SGCZ: variants seen among roughly 807,000 people sequenced by gnomAD.
SGCZ encodes zeta-sarcoglycan.
A neutral mutation model predicts 41.3 loss-of-function variants in SGCZ; 40 were observed. The ratio of observed to expected loss-of-function variants is 0.97; its 90% CI spans 0.75 to 1.26. SGCZ has a LOEUF of 1.26. Ranked by LOEUF, SGCZ falls within the 50% of genes most tolerant of loss-of-function variation. The pLI is 0.00. For synonymous variants in SGCZ, 206 were observed against 137.5 expected (o/e 1.50, Z -3.49); for missense variants, 552 against 369.8 (o/e 1.49, Z -4.04).
chr8:14,893,591 C>T (rs569446265), intron 1 of SGCZ, among the ~76,000 whole-genome samples: 18 of 152,226 alleles, frequency 1.2e-4, no homozygotes, highest in Admixed American at 6.5e-4. Flanking sequence ...ATGCTCTGAT[C>T]GCCATAATTT....
chr8:14,379,722 A>G (rs1435045584), intron 2 of SGCZ, among the ~76,000 whole-genome samples: 1 of 151,990 alleles, frequency 6.6e-6, no homozygotes, highest in Non-Finnish European at 1.5e-5. Flanking sequence ...AATATATTGA[A>G]ATTATATATA....
rs925782478 is a variant in SGCZ at position 15,238,429 on chromosome 8, A to C, written c.-806T>G. The C allele has an allele frequency of 6.6e-6, 1 of 152,204 alleles. No individual in the cohort carries two copies. Among genetic ancestry groups the C allele is most frequent in the Non-Finnish European group, 1.5e-5 (1 of 68,054 alleles). 9.4% of individuals were successfully genotyped at this position (152,204 alleles called of 1,614,324 possible). ...TCGCTTCTCTCTTCCCACAGCCAAC[A>C]CTAAGGGGATTTCTCTCATCTGTCA... On this transcript the variant is annotated 5_prime_UTR_variant, in exon 1 of 8. Transcript: ENST00000382080.
intron 3 of SGCZ, among the ~76,000 whole-genome samples, chr8:14,278,785 C>G (rs971589989): frequency 2.6e-5 from 4 of 152,020 alleles, no homozygotes; most frequent in African/African-American, 9.7e-5. Flanking sequence ...TAAAAAGAGG[C>G]TGGTATTCTT....
intron 1 of SGCZ, among the ~76,000 whole-genome samples, chr8:15,145,950 GCAAA>G (rs1317106871): frequency 6.6e-6 from 1 of 152,100 alleles, no homozygotes; most frequent in African/African-American, 2.4e-5. Context: ...CTCCAAAAAG[GCAAA>G]GAGAATGGGT....
At chr8:15,229,046 G>T (rs550142729) in intron 1 of SGCZ, among the ~76,000 whole-genome samples, 2 of 152,112 alleles carry the variant, frequency 1.3e-5, no homozygotes, top group Admixed American at 6.5e-5. Context: ...ACAAAAATCA[G>T]CCAGGCGTGA....
At chr8:14,346,136 T>C (rs1300009907) in intron 2 of SGCZ, among the ~76,000 whole-genome samples, 1 of 152,104 alleles carries the variant, frequency 6.6e-6, no homozygotes, top group Non-Finnish European at 1.5e-5. Context: ...TATTGACTCA[T>C]CAGTTGTAAC....
chr8:14,827,573 G>A (rs73535011), intron 1 of SGCZ, among the ~76,000 whole-genome samples: 179 of 152,182 alleles, frequency 1.2e-3, no homozygotes, highest in African/African-American at 4.2e-3. Context: ...GTCAATGTGG[G>A]AAGGAACTGC....
chr8:14,957,337 G>A (rs1800823536), intron 1 of SGCZ, among the ~76,000 whole-genome samples: 1 of 151,924 alleles, frequency 6.6e-6, no homozygotes, highest in African/African-American at 2.4e-5. Flanking sequence ...AGTAAAGTAA[G>A]TATATGTGAA....
intron 1 of SGCZ, among the ~76,000 whole-genome samples, chr8:14,968,520 T>C (rs1185935273): frequency 1.3e-5 from 2 of 152,152 alleles, no homozygotes; most frequent in Non-Finnish European, 2.9e-5. Flanking sequence ...ATACTCCATT[T>C]TCTTAAGATA....
chr8:14,368,424 T>C (rs185099841), intron 2 of SGCZ, among the ~76,000 whole-genome samples: 24 of 152,212 alleles, frequency 1.6e-4, no homozygotes, highest in Non-Finnish European at 2.9e-5. Flanking sequence ...TTTTACGGCA[T>C]CAGCAATTAG....
chr8:14,414,880 G>C (rs12545852), intron 2 of SGCZ, among the ~76,000 whole-genome samples: 104,454 of 151,788 alleles, frequency 0.69, 36,040 homozygotes, highest in East Asian at 0.83. Context: ...TTTAATGTGA[G>C]TGGTAACCTA....
chr8:14,275,858 G>T (rs898354817), intron 3 of SGCZ, among the ~76,000 whole-genome samples: 29 of 152,144 alleles, frequency 1.9e-4, no homozygotes, highest in Admixed American at 1.5e-3. Flanking sequence ...CCTAATGGCA[G>T]CCCACTTAAA....
intron 4 of SGCZ, among the ~76,000 whole-genome samples, chr8:14,186,166 G>C (rs1012352883): frequency 3.9e-5 from 6 of 152,200 alleles, no homozygotes; most frequent in Admixed American, 2.6e-4. Flanking sequence ...CAATGTGAAA[G>C]CTTGGCTAAC....
In SGCZ at chr8:15,112,136, T is replaced by G. The variant is rs184857164; in HGVS notation, c.39+125449A>C. ...CCAACTAAAATGTTCACATCTATTT[T>G]GCAATATTAGTTATATAAGAAGGCC... On this transcript the variant is annotated intron_variant, in intron 1 of 7. Transcript: ENST00000382080. Among the ~76,000 whole-genome samples, 137 of 152,342 alleles carry G rather than the reference T, an allele frequency of 9.0e-4. 1 individual carries two copies. The highest frequency in any genetic ancestry group is 1.6e-3 in the Non-Finnish European group (110 of 68,034).
In SGCZ at chr8:14,271,487, A is replaced by G. The variant is rs960165301; in HGVS notation, c.337-33808T>C. The stretch of plus-strand genomic sequence containing the variant: ...TATTCTGAAGGAGATGTCTCATTTG[A>G]CCAACAGGAGATATTTAGGAATGCT... On this transcript the variant is annotated intron_variant, in intron 3 of 7. Transcript: ENST00000382080. Among the ~76,000 whole-genome samples, 6 of 152,314 alleles carry G rather than the reference A, an allele frequency of 3.9e-5. No homozygotes were observed. In the East Asian group the frequency reaches 1.2e-3, roughly 29 times the overall value.
intron 1 of SGCZ, among the ~76,000 whole-genome samples, chr8:15,026,357 A>G (rs1249173415): frequency 6.6e-6 from 1 of 152,194 alleles, no homozygotes; most frequent in Non-Finnish European, 1.5e-5. Context: ...ATTTTCCGGA[A>G]CAGAAAAGAG....
At chr8:14,749,952 T>C (rs1197120579) in intron 1 of SGCZ, among the ~76,000 whole-genome samples, 1 of 152,120 alleles carries the variant, frequency 6.6e-6, no homozygotes, top group Non-Finnish European at 1.5e-5. Flanking sequence ...TGAACCAAAT[T>C]GTAAAATTTA....
intron 1 of SGCZ, among the ~76,000 whole-genome samples, chr8:15,233,784 T>C (rs1802036236): frequency 6.6e-6 from 1 of 152,152 alleles, no homozygotes; most frequent in Admixed American, 6.5e-5. Flanking sequence ...CCGTTCATGT[T>C]CTGCAATTAG....
At chr8:14,417,076 C>T (rs1799513052) in intron 2 of SGCZ, among the ~76,000 whole-genome samples, 1 of 151,752 alleles carries the variant, frequency 6.6e-6, no homozygotes, top group African/African-American at 2.4e-5. Flanking sequence ...CCGGGCAAGA[C>T]ATATGAAGGG....
Sources: allele counts gnomAD v4.1 joint callset (sites outside exome capture counted in the v4.1 genomes callset), GRCh38; gene constraint gnomAD v4.1.1; transcripts MANE v1.5; gene names NCBI Gene and HGNC (gene_info 2026-07-23, HGNC 2026-07-21).